KIF24: variants seen among roughly 807,000 people sequenced by gnomAD.
The protein encoded by KIF24 is kinesin-like protein KIF24.
Under a neutral mutation model 118.9 loss-of-function variants are expected in KIF24, and 81 were observed. The observed-to-expected ratio is 0.68, with a 90% confidence interval of 0.57 to 0.82. The LOEUF (loss-of-function observed/expected upper bound fraction) is 0.82. Among genes scored for constraint, KIF24 ranks in the 40% least tolerant of loss-of-function variants. The pLI is 0.00. For synonymous variants in KIF24, 599 were observed against 610.0 expected, an observed-to-expected ratio of 0.98 and a Z score of 0.27; for missense variants, 1,560 against 1,661.6, an observed-to-expected ratio of 0.94 and a Z score of 1.06.
At chr9:34,262,581 C>T (rs564762462) in intron 9 of KIF24, among the ~76,000 whole-genome samples, 3 of 127,702 alleles carry the variant, frequency 2.3e-5, no homozygotes, top group African/African-American at 6.2e-5. Context: ...CTGAGGCAGG[C>T]GGATCGTTTG....
chr9:34,290,313 G>T lies in KIF24; in HGVS notation c.988C>A (p.Pro330Thr), dbSNP rs757281314. 3.1e-6 allele frequency: 5 copies of T among 1,613,908 alleles called. No individual in the cohort carries two copies. The highest frequency in any genetic ancestry group is 4.2e-6 in the Non-Finnish European group (5 of 1,179,840). ...TTGGCAGCTAGAGCATACAATCCTG[G>T]GTTCTCATGAGTTCCTATCATGGTG... ...TYTMIGTHENPGLYALAAKDI... is the reference protein window; with the variant it reads ...TYTMIGTHENTGLYALAAKDI... Residue 330 changes from proline (P) to threonine (T), a missense_variant, in exon 5 of 13, where the codon CCA becomes ACA. Transcript: ENST00000402558.
chr9:34,256,048 A>C lies in KIF24; in HGVS notation c.3559T>G (p.Phe1187Val). 1 of 1,613,898 alleles carries C rather than the reference A, an allele frequency of 6.2e-7. No individual in the cohort carries two copies. The highest frequency in any genetic ancestry group is 1.1e-5 in the South Asian group (1 of 91,082). ...EETGLDGSWG[F>V]PGKPFTTIHM... ...ATGGTGGTGAAGGGCTTTCCTGGGA[A>C]ACCCCAGGAGCCATCCAGCCCCGTC... Residue 1187 changes from phenylalanine to valine, a missense_variant, in exon 11 of 13, where the codon TTC (phenylalanine) becomes GTC (valine). Physicochemically the swap from Phe to Val is conservative, Grantham distance 50. Coordinates refer to ENST00000402558, the MANE Select transcript of KIF24 (RefSeq NM_194313.4).
Position 34,318,878 on chromosome 9 carries a change from T to G in KIF24, c.-25-7507A>C. On this transcript the variant is annotated intron_variant, in intron 1 of 12. Transcript: ENST00000402558. This position sits in a 1 kb window ranked among gnomAD's most constrained non-coding sequence, Gnocchi z 4.9. Reference sequence around the variant, plus strand: ...CAAGCAGCACTACAACTGCGAGCACTCCAAGATCAATTTCCATGACAAGCG... The same window carrying G: ...CAAGCAGCACTACAACTGCGAGCACGCCAAGATCAATTTCCATGACAAGCG... The G allele has an allele frequency of 5.6e-6, 9 of 1,600,728 alleles. No homozygotes were observed. The highest frequency in any genetic ancestry group is 2.2e-5 in the East Asian group (1 of 44,868).
At chr9:34,291,909 G>C (rs946109432) in intron 4 of KIF24, among the ~76,000 whole-genome samples, 1 of 152,154 alleles carries the variant, frequency 6.6e-6, no homozygotes, top group Non-Finnish European at 1.5e-5. Context: ...CTCCCATTTG[G>C]TTCCTAAATA....
intron 1 of KIF24, among the ~76,000 whole-genome samples, chr9:34,314,278 C>T (rs1213828401): frequency 6.6e-6 from 1 of 152,162 alleles, no homozygotes; most frequent in Non-Finnish European, 1.5e-5. Context: ...ATTCCCATGC[C>T]TCAGCCTCCC....
intron 1 of KIF24, among the ~76,000 whole-genome samples, chr9:34,311,719 TATATACAC>T (rs760958000): frequency 7.3e-6 from 1 of 136,326 alleles, no homozygotes; most frequent in African/African-American, 2.7e-5. Context: ...CGTATATATG[TATATACAC>T]GTATATATAT....
intron 5 of KIF24, among the ~76,000 whole-genome samples, chr9:34,289,530 T>G (rs1249790027): frequency 6.6e-6 from 1 of 152,208 alleles, no homozygotes; most frequent in African/African-American, 2.4e-5. Context: ...CTAACCTCTA[T>G]TCTCCCATTT....
rs749453346 is a variant in KIF24 at position 34,310,931 on chromosome 9, T to C, written c.416A>G (p.His139Arg). 2 of 1,613,710 alleles carry C rather than the reference T, an allele frequency of 1.2e-6. No homozygotes were observed. Among genetic ancestry groups the C allele is most frequent in the Admixed American group, 3.3e-5 (2 of 60,022 alleles). ...GTACTGGGAATCATCTGGTAGCATG[T>C]GTTCTAGCACTTTTAGGTAAGTGGA... The part of the protein sequence containing the change: ...QKSTYLKVLE[H>R]MLPDDSQYHT... The change falls in exon 2 of 13, where the codon CAC (histidine) becomes CGC (arginine). Residue 139 changes from histidine to arginine, a missense_variant. Transcript: ENST00000402558.
chr9:34,267,757 ACCAG>A (rs1835347512), intron 8 of KIF24, among the ~76,000 whole-genome samples: 1 of 152,186 alleles, frequency 6.6e-6, no homozygotes, highest in African/African-American at 2.4e-5. Flanking sequence ...CTTAATTCAG[ACCAG>A]CCACATTTCA....
At chr9:34,283,567 A>G (rs1208259237) in intron 6 of KIF24, among the ~76,000 whole-genome samples, 1 of 152,146 alleles carries the variant, frequency 6.6e-6, no homozygotes, top group Non-Finnish European at 1.5e-5. Flanking sequence ...GATTTAATTG[A>G]CTTGAGGACG....
intron 3 of KIF24, among the ~76,000 whole-genome samples, chr9:34,304,511 T>A (rs1398837881): frequency 6.6e-6 from 1 of 152,150 alleles, no homozygotes; most frequent in Non-Finnish European, 1.5e-5. Flanking sequence ...AAGTCTTAGG[T>A]AGACAGTGAT....
intron 7 of KIF24, among the ~76,000 whole-genome samples, chr9:34,270,852 C>G (rs926807052): frequency 2.0e-5 from 3 of 148,168 alleles, no homozygotes; most frequent in Non-Finnish European, 3.0e-5. Flanking sequence ...CTGGGCAAAA[C>G]AGAGAGACCC....
intron 6 of KIF24, among the ~76,000 whole-genome samples, chr9:34,275,710 C>G (rs1297180019): frequency 2.0e-5 from 3 of 151,096 alleles, no homozygotes; most frequent in Non-Finnish European, 3.0e-5. Context: ...CATGGTGATG[C>G]ACGCCTGTAG....
chr9:34,288,017 T>A (rs1339195747), intron 5 of KIF24, among the ~76,000 whole-genome samples: 1 of 152,042 alleles, frequency 6.6e-6, no homozygotes, highest in East Asian at 1.9e-4. Flanking sequence ...AGATTCCTCA[T>A]GGACAGCCTA....
chr9:34,295,429 C>A (rs1836429986), intron 4 of KIF24, among the ~76,000 whole-genome samples: 1 of 152,080 alleles, frequency 6.6e-6, no homozygotes, highest in South Asian at 2.1e-4. Flanking sequence ...ATAATCCTAG[C>A]ACTTTGGGAG....
chr9:34,283,929 A>G (rs1043811622), intron 6 of KIF24, among the ~76,000 whole-genome samples: 1 of 152,312 alleles, frequency 6.6e-6, no homozygotes, highest in East Asian at 1.9e-4. Context: ...GATTGCTCAT[A>G]TACTGCTTGT....
chr9:34,311,765 T>TATATATACACATATATAC (rs1563961653), intron 1 of KIF24, among the ~76,000 whole-genome samples: 34 of 145,110 alleles, frequency 2.3e-4, no homozygotes, highest in African/African-American at 8.6e-4. Flanking sequence ...TGTGTATATA[T>TATATATACACATATATAC]ACATATATAT....
chr9:34,279,015 G>T (rs1459526937), intron 6 of KIF24, among the ~76,000 whole-genome samples: 1 of 152,080 alleles, frequency 6.6e-6, no homozygotes, highest in Non-Finnish European at 1.5e-5. Flanking sequence ...GAAGTGGGAG[G>T]ATCGCTTGAG....
Position 34,310,810 on chromosome 9 carries a change from T to C in KIF24, c.537A>G (p.Ala179=). The C allele has an allele frequency of 6.2e-7, 1 of 1,613,606 alleles. No homozygotes were observed. The highest frequency in any genetic ancestry group is 8.5e-7 in the Non-Finnish European group (1 of 1,179,484). ...TGGGAATATCACAATCCCCCAGTAT[T>C]GCAGAAAGGTAATTTGGTGAAAAGA... is the stretch of plus-strand genomic sequence containing the variant. ...TSLFSPNYLS[A]ILGDCDIPII... The change falls in exon 2 of 13, where the codon GCA becomes GCG. Residue 179 remains alanine (A), a synonymous_variant. Coordinates refer to ENST00000402558, the MANE Select transcript of KIF24 (RefSeq NM_194313.4).
Sources: allele counts gnomAD v4.1 joint callset (sites outside exome capture counted in the v4.1 genomes callset), GRCh38; gene constraint gnomAD v4.1.1; non-coding constraint Gnocchi (gnomAD v3.1); transcripts MANE v1.5; gene names NCBI Gene and HGNC (gene_info 2026-07-23, HGNC 2026-07-21).